Variants in WDR7 observed in about 807,000 individuals in gnomAD.
WDR7 encodes the protein WD repeat-containing protein 7.
In WDR7, 46 loss-of-function variants were observed where a neutral mutation model predicts 169.4. That is an observed-to-expected ratio of 0.27 (90% CI 0.21 to 0.35). The LOEUF (loss-of-function observed/expected upper bound fraction) is 0.35, where lower values mean the gene tolerates loss of function less well. WDR7 is among the 10% of genes least tolerant of loss of function. The pLI, the probability that WDR7 is intolerant of heterozygous loss-of-function variation, is 1.00. For missense variants in WDR7, 1,534 were observed against 1,859.3 expected (o/e 0.83, Z 3.22); for synonymous variants, 612 against 666.8 (o/e 0.92, Z 1.27).
Position 56,681,372 on chromosome 18 carries a change from G to A in WDR7, c.326G>A (p.Cys109Tyr), listed in dbSNP as rs779383349. ...TGTATTGAATTTACAAAATTAGCTT[G>A]CACACATACTGGCATACAGGTTAGT... ...GRCIEFTKLACTHTGIQFYQF... is the reference protein window; with the variant it reads ...GRCIEFTKLAYTHTGIQFYQF... The change falls in exon 4 of 28, where the codon TGC (cysteine) becomes TAC (tyrosine). Residue 109 changes from cysteine (C) to tyrosine (Y), a missense_variant. Coordinates refer to ENST00000254442, the MANE Select transcript of WDR7 (RefSeq NM_015285.3). The A allele has an allele frequency of 1.9e-6, 3 of 1,592,526 alleles. No homozygotes were observed. In the Admixed American group the frequency reaches 5.5e-5, roughly 29 times the overall value.
At chr18:56,684,277 G>C (rs1376728998) in intron 5 of WDR7, among the ~76,000 whole-genome samples, 12 of 152,184 alleles carry the variant, frequency 7.9e-5, no homozygotes, top group Non-Finnish European at 1.5e-5. Flanking sequence ...GACAGGTCTT[G>C]AAAGCCCTGT....
chr18:56,681,530 G>A (rs1486746709), intron 4 of WDR7, 139 bp downstream of exon 4: 3 of 528,298 alleles, frequency 5.7e-6, no homozygotes, highest in Non-Finnish European at 6.3e-6. Context: ...GAATTGAAGC[G>A]GTAAAAGTGT....
chr18:56,792,787 C>G (rs1397131385), intron 19 of WDR7, among the ~76,000 whole-genome samples: 1 of 151,662 alleles, frequency 6.6e-6, no homozygotes. Flanking sequence ...CACACACACA[C>G]ACACAGACAC....
At chr18:56,850,129 C>T (rs1568230160) in intron 20 of WDR7, among the ~76,000 whole-genome samples, 1 of 152,198 alleles carries the variant, frequency 6.6e-6, no homozygotes. Context: ...AGCTCAGGTG[C>T]CAGTTCTTTC....
chr18:56,707,315 C>G (rs2025980904), intron 12 of WDR7, among the ~76,000 whole-genome samples: 1 of 152,072 alleles, frequency 6.6e-6, no homozygotes, highest in Admixed American at 6.6e-5. Context: ...TACTTTGTTC[C>G]TCTGTTAGGT....
chr18:56,932,905 GTCTA>G (rs994098458), intron 22 of WDR7, among the ~76,000 whole-genome samples: 3 of 146,182 alleles, frequency 2.1e-5, no homozygotes, highest in Non-Finnish European at 4.5e-5. Context: ...GTGTGTGTGT[GTCTA>G]TCTGTCTGTC....
chr18:56,709,301 A>G (rs2026032057), intron 12 of WDR7, among the ~76,000 whole-genome samples: 1 of 152,208 alleles, frequency 6.6e-6, no homozygotes, highest in African/African-American at 2.4e-5. Flanking sequence ...AGGGAAACTT[A>G]TGTTCTTGAA....
At chr18:56,676,209 A>G (rs534106097) in intron 2 of WDR7, among the ~76,000 whole-genome samples, 2 of 152,062 alleles carry the variant, frequency 1.3e-5, no homozygotes, top group Admixed American at 6.5e-5. Context: ...TTTGGTTTCC[A>G]TTGGCATGGA....
At chr18:56,655,124 G>A (rs1328179437) in intron 1 of WDR7, among the ~76,000 whole-genome samples, 1 of 152,080 alleles carries the variant, frequency 6.6e-6, no homozygotes, top group East Asian at 1.9e-4. Context: ...AGGTTCATAG[G>A]AAGTTGCACA....
At chr18:57,033,383 T>A (rs1007557207), downstream of WDR7, 4 of 152,180 alleles carry the variant, frequency 2.6e-5, no homozygotes, top group Non-Finnish European at 4.4e-5. Context: ...ATAAACTACT[T>A]CAGACCTACA....
intron 25 of WDR7, among the ~76,000 whole-genome samples, chr18:56,948,798 G>T (rs561756717): frequency 6.6e-6 from 1 of 152,112 alleles, no homozygotes; most frequent in South Asian, 2.1e-4. Context: ...TTCAGAGTGG[G>T]GTGTGCACTC....
At chr18:56,754,182 G>A (rs535230745) in intron 14 of WDR7, among the ~76,000 whole-genome samples, 1 of 150,892 alleles carries the variant, frequency 6.6e-6, no homozygotes, top group African/African-American at 2.4e-5. Flanking sequence ...GAAGTTATAG[G>A]GATTGTGGTG....
At position 56,776,891 on chromosome 18, in the gene WDR7, C is replaced by A; in HGVS notation, c.2947+11C>A. 1 of 1,594,320 alleles carries A rather than the reference C, an allele frequency of 6.3e-7. No homozygotes were observed. The highest frequency in any genetic ancestry group is 8.6e-7 in the Non-Finnish European group (1 of 1,162,282). On this transcript the variant is annotated intron_variant, in intron 17 of 27. Coordinates refer to ENST00000254442, the MANE Select transcript of WDR7 (RefSeq NM_015285.3). ...TCTTAGTAAATGAAGGTATCTCTCT[C>A]AACTTCTAACAACTTTCTCTCAATC...
intron 20 of WDR7, among the ~76,000 whole-genome samples, chr18:56,855,809 T>C (rs77456367): frequency 3.9e-4 from 59 of 152,176 alleles, no homozygotes; most frequent in Admixed American, 1.1e-3. Context: ...ATACATTTTG[T>C]AGATAAATTA....
intron 26 of WDR7, among the ~76,000 whole-genome samples, chr18:56,999,348 T>G (rs2047942647): frequency 6.6e-6 from 1 of 152,184 alleles, no homozygotes; most frequent in African/African-American, 2.4e-5. Context: ...GGTGGAGATA[T>G]TAGAGATAAA....
intron 14 of WDR7, among the ~76,000 whole-genome samples, chr18:56,743,166 A>G (rs1053254840): frequency 3.9e-5 from 6 of 152,128 alleles, no homozygotes; most frequent in African/African-American, 1.4e-4. Flanking sequence ...ATCACGTGTG[A>G]TATCGAATGT....
At chr18:56,878,661 T>G (rs746450263) in intron 20 of WDR7, among the ~76,000 whole-genome samples, 1 of 152,218 alleles carries the variant, frequency 6.6e-6, no homozygotes, top group Non-Finnish European at 1.5e-5. Flanking sequence ...ATTACCTCAA[T>G]CTAATTTTAG....
At chr18:56,813,088 C>T (rs1056187497) in intron 19 of WDR7, among the ~76,000 whole-genome samples, 11 of 150,268 alleles carry the variant, frequency 7.3e-5, no homozygotes, top group South Asian at 6.3e-4. Context: ...CTAGATGACA[C>T]GTTAGTGGGT....
At chr18:56,947,014 T>C (rs963589351) in intron 25 of WDR7, among the ~76,000 whole-genome samples, 1 of 152,218 alleles carries the variant, frequency 6.6e-6, no homozygotes, top group African/African-American at 2.4e-5. Context: ...ATTAATAATA[T>C]AGTGTCATCT....
Sources: gnomAD v4.1 joint callset for allele counts (sites outside exome capture counted in the v4.1 genomes callset) on GRCh38, gnomAD v4.1.1 for gene constraint, MANE v1.5 for transcripts, NCBI Gene and HGNC (gene_info 2026-07-23, HGNC 2026-07-21) for gene names.